Variants in CAPN13 observed in about 807,000 individuals in gnomAD.
CAPN13 encodes calpain 13.
CAPN13 carries 90 observed loss-of-function variants against 98.4 expected under a neutral mutation model. The observed-to-expected ratio is 0.92, with a 90% CI of 0.77 to 1.09. The LOEUF is 1.09. Among genes scored for constraint, CAPN13 ranks in the 50% least tolerant of loss-of-function variants. The pLI, the probability that CAPN13 is intolerant of heterozygous loss-of-function variation, is 0.00. For missense variants in CAPN13, 887 were observed against 841.3 expected (o/e 1.05, Z -0.67); for synonymous variants, 330 against 305.5 (o/e 1.08, Z -0.84).
At chr2:30,774,024 T>C (rs1349088445) in intron 4 of CAPN13, among the ~76,000 whole-genome samples, 1 of 151,626 alleles carries the variant, frequency 6.6e-6, no homozygotes, top group Non-Finnish European at 1.5e-5. Flanking sequence ...AAACAGAGAC[T>C]CAGCAACTAA....
intron 2 of CAPN13, among the ~76,000 whole-genome samples, chr2:30,779,250 A>G (rs1284917816): frequency 6.6e-6 from 1 of 152,228 alleles, no homozygotes; most frequent in African/African-American, 2.4e-5. Flanking sequence ...GCCCATTCAG[A>G]CAGACCTGTT....
rs973534053 is a variant in CAPN13, at chr2:30,734,490, A to T, written c.1757T>A (p.Val586Asp). Reference sequence around the variant, plus strand: ...CTTCCACAAGTCCGAGCTCAGGAGGACTCCAGGGCTTGTCTGAACCTTCTG... The same window carrying T: ...CTTCCACAAGTCCGAGCTCAGGAGGTCTCCAGGGCTTGTCTGAACCTTCTG... ...VFQKVQTSPG[V>D]LLSSDLWKAI... is the part of the protein sequence containing the mutation. Residue 586 changes from valine (V) to aspartate (D), a missense_variant, in exon 19 of 23, where the codon GTC (valine) becomes GAC (aspartate). Transcript: ENST00000295055. 2 of 1,613,378 alleles carry T rather than the reference A, an allele frequency of 1.2e-6. No homozygotes were observed. The highest frequency in any genetic ancestry group is 2.7e-5 in the African/African-American group (2 of 74,732).
intron 2 of CAPN13, among the ~76,000 whole-genome samples, chr2:30,778,463 C>T (rs561869516): frequency 2.6e-5 from 4 of 152,212 alleles, no homozygotes; most frequent in African/African-American, 9.6e-5. Flanking sequence ...CCAGGATGAC[C>T]TCGGCCTCCT....
intron 1 of CAPN13, among the ~76,000 whole-genome samples, chr2:30,799,799 C>A (rs151060064): frequency 6.6e-6 from 1 of 152,126 alleles, no homozygotes; most frequent in African/African-American, 2.4e-5. Context: ...CAGGGCCAGG[C>A]GCAGTGGTTC....
At chr2:30,807,069 G>A (rs1220776650) in intron 1 of CAPN13, among the ~76,000 whole-genome samples, 1 of 152,068 alleles carries the variant, frequency 6.6e-6, no homozygotes, top group Non-Finnish European at 1.5e-5. Flanking sequence ...TGCAAAGTTT[G>A]GATTAGATTC....
At chr2:30,735,196 T>C (rs1671299366) in intron 18 of CAPN13, among the ~76,000 whole-genome samples, 1 of 152,210 alleles carries the variant, frequency 6.6e-6, no homozygotes, top group Non-Finnish European at 1.5e-5. Flanking sequence ...TCCAATTCTC[T>C]GTATAATCCT....
intron 15 of CAPN13, among the ~76,000 whole-genome samples, chr2:30,738,732 T>A (rs1671506721): frequency 6.6e-6 from 1 of 152,200 alleles, no homozygotes; most frequent in Non-Finnish European, 1.5e-5. Context: ...GAAAGCAGTT[T>A]AGTCCTTGCC....
In CAPN13 at chr2:30,787,159, C is replaced by A. The variant is rs150413415; in HGVS notation, c.167G>T (p.Arg56Leu). Residue 56 changes from arginine (R) to leucine (L), a missense_variant, in exon 2 of 23, where the codon CGC becomes CTC. By Grantham distance (102) the Arg-to-Leu change is moderately radical (BLOSUM62 -2). Transcript: ENST00000295055. ...CCGCTTCCATATCACATTGGAGAGG[C>A]GTTTTTCCTGGAGCAGCTTCTGGCC... ...SIGQKLLQEK[R>L]LSNVIWKRPQ... 3 of 1,577,970 alleles carry A rather than the reference C, an allele frequency of 1.9e-6. No homozygotes were observed. Among genetic ancestry groups the A allele is most frequent in the Non-Finnish European group, 2.6e-6 (3 of 1,161,554 alleles).
At chr2:30,782,995 G>A (rs933313466) in intron 2 of CAPN13, among the ~76,000 whole-genome samples, 2 of 152,120 alleles carry the variant, frequency 1.3e-5, no homozygotes, top group African/African-American at 4.8e-5. Flanking sequence ...CTACTGTATT[G>A]AACAGTGCGA....
At position 30,789,139 on chromosome 2, in the gene CAPN13, TTAAA is replaced by T. The variant is rs1674478079; in HGVS notation, c.-32-1786_-32-1783del. On this transcript the variant is annotated intron_variant, in intron 1 of 22. Transcript: ENST00000295055. ...GGTTAAAAAGAGGGCCCGCAACAAATTAAATAGTGATAAAGCTGAAATGTCAAGA... is the reference window on the plus strand; with the variant it reads ...GGTTAAAAAGAGGGCCCGCAACAAATTAGTGATAAAGCTGAAATGTCAAGA... Among the ~76,000 whole-genome samples, 3 of 152,204 alleles carry T rather than the reference TTAAA, an allele frequency of 2.0e-5. No individual in the cohort carries two copies. The South Asian group carries it at 6.2e-4, about 32-fold the overall frequency.
chr2:30,774,257 A>T lies in CAPN13; in HGVS notation c.387+1673T>A, dbSNP rs183180686. ...AGAAAATCACAAAAACAATAAAATTAGGAGAAAGTATAAAGGAATTAATAA... is the reference window on the plus strand; with the variant it reads ...AGAAAATCACAAAAACAATAAAATTTGGAGAAAGTATAAAGGAATTAATAA... On this transcript the variant is annotated intron_variant, in intron 4 of 22. Coordinates refer to ENST00000295055, the MANE Select transcript of CAPN13 (RefSeq NM_144575.3). 3.9e-5 allele frequency among the ~76,000 whole-genome samples: 6 copies of T among 152,212 alleles called. No individual in the cohort carries two copies. In the East Asian group the frequency reaches 1.2e-3, roughly 29 times the overall value.
chr2:30,759,774 G>C (rs575743770), intron 7 of CAPN13, among the ~76,000 whole-genome samples: 19 of 152,174 alleles, frequency 1.2e-4, no homozygotes, highest in Non-Finnish European at 2.6e-4. Flanking sequence ...TTGGAATTAG[G>C]CATGAGTAAA....
intron 18 of CAPN13, among the ~76,000 whole-genome samples, chr2:30,736,206 G>C (rs1671356356): frequency 6.7e-6 from 1 of 149,380 alleles, no homozygotes; most frequent in Non-Finnish European, 1.5e-5. Flanking sequence ...AGCAGGTGTT[G>C]CAGTGGATGC....
intron 9 of CAPN13, among the ~76,000 whole-genome samples, chr2:30,754,031 G>C (rs536252722): frequency 1.6e-4 from 25 of 152,234 alleles, no homozygotes; most frequent in African/African-American, 6.0e-4. Context: ...TCAAGCCTTT[G>C]GTGCCAATGT....
At chr2:30,758,007 G>T (rs777794228) in intron 8 of CAPN13, 39 bp downstream of exon 8, 10 of 1,495,840 alleles carry the variant, frequency 6.7e-6, no homozygotes, top group Non-Finnish European at 9.1e-6. Context: ...GACACCAAGC[G>T]CTCTGTGAAG....
chr2:30,732,250 G>A (rs1202256564), intron 20 of CAPN13, among the ~76,000 whole-genome samples, 188 bp downstream of exon 20: 1 of 152,190 alleles, frequency 6.6e-6, no homozygotes, highest in African/African-American at 2.4e-5. Context: ...GGAACTACAG[G>A]GGAGAGGGGG....
intron 2 of CAPN13, among the ~76,000 whole-genome samples, chr2:30,784,702 G>T (rs937992115): frequency 6.6e-6 from 1 of 152,172 alleles, no homozygotes. Flanking sequence ...TCAGGTCTTG[G>T]AACCAGACTC....
At chr2:30,727,816 T>A (rs1306951596) in intron 22 of CAPN13, among the ~76,000 whole-genome samples, 2 of 152,010 alleles carry the variant, frequency 1.3e-5, no homozygotes, top group African/African-American at 4.8e-5. Context: ...ATACACCCAA[T>A]TGAAATAAAA....
intron 12 of CAPN13, among the ~76,000 whole-genome samples, chr2:30,744,561 G>A (rs1671813829): frequency 6.6e-6 from 1 of 152,186 alleles, no homozygotes. Context: ...CAGTGGGCAT[G>A]CAGAGGTGTG....
Sources: allele counts gnomAD v4.1 joint callset (sites outside exome capture counted in the v4.1 genomes callset), GRCh38; gene constraint gnomAD v4.1.1; transcripts MANE v1.5; gene names NCBI Gene and HGNC (gene_info 2026-07-23, HGNC 2026-07-21).